Variants in PCDHA6 observed in about 807,000 individuals in gnomAD.
PCDHA6 encodes the protein protocadherin alpha-6.
Under a neutral mutation model 60.3 loss-of-function variants are expected in PCDHA6, and 55 were observed. The observed-to-expected ratio is 0.91, with a 90% CI of 0.73 to 1.14. The LOEUF (loss-of-function observed/expected upper bound fraction) is 1.14, where lower values mean the gene tolerates loss of function less well. Among genes scored for constraint, PCDHA6 ranks in the 50% most tolerant of loss-of-function variants. PCDHA6 has a pLI of 0.00. For missense variants in PCDHA6, 1,327 were observed against 1,256.5 expected, an observed-to-expected ratio of 1.06 and a Z score of -0.85; for synonymous variants, 652 against 557.9, an observed-to-expected ratio of 1.17 and a Z score of -2.38.
Position 140,880,816 on chromosome 5 carries a change from G to A in PCDHA6, c.2394+50331G>A, listed in dbSNP as rs3806840. On this transcript the variant is annotated intron_variant, in intron 1 of 3. Transcript: ENST00000529310. ...ATAAATAGGTGAATGACTCTAGAGTGTCTGGAAGGGCATATTTTAAATGGT... is the reference window on the plus strand; with the variant it reads ...ATAAATAGGTGAATGACTCTAGAGTATCTGGAAGGGCATATTTTAAATGGT... Among the ~76,000 whole-genome samples the A allele has an allele frequency of 9.8e-5, 15 of 152,318 alleles. No individual in the cohort carries two copies. In the East Asian group the frequency reaches 2.9e-3, roughly 29 times the overall value.
In PCDHA6 at chr5:140,835,601, A is replaced by T. The variant is rs2150239166; in HGVS notation, c.2394+5116A>T. Reference sequence around the variant, plus strand: ...TGTCCACCTTCAAGAATTACTATTCATTGGTGCTGGACAGCGCTCTGGACC... The same window carrying T: ...TGTCCACCTTCAAGAATTACTATTCTTTGGTGCTGGACAGCGCTCTGGACC... On this transcript the variant is annotated intron_variant, in intron 1 of 3. Coordinates refer to ENST00000529310, the MANE Select transcript of PCDHA6 (RefSeq NM_018909.4). 5 of 1,613,788 alleles carry T rather than the reference A, an allele frequency of 3.1e-6. No individual in the cohort carries two copies. The African/African-American group carries it at 5.3e-5, about 17-fold the overall frequency.
At chr5:140,897,560 T>C (rs1398247980) in intron 1 of PCDHA6, among the ~76,000 whole-genome samples, 1 of 152,200 alleles carries the variant, frequency 6.6e-6, no homozygotes, top group Non-Finnish European at 1.5e-5. Flanking sequence ...GGTGTATATG[T>C]GCCACATTTT....
rs2150184584 is a variant in PCDHA6, at chr5:140,830,292, C to T, written c.2201C>T (p.Ala734Val). The stretch of plus-strand genomic sequence containing the variant: ...CCACCCACCGAGGGCGCGTGCACGG[C>T]GGACAAGCCCACGCTGGTGTGCTCC... The part of the protein sequence containing the change: ...SAPPTEGACT[A>V]DKPTLVCSSA... Residue 734 changes from alanine (A) to valine (V), a missense_variant, in exon 1 of 4, where the codon GCG becomes GTG. Ala to Val is a moderately conservative substitution (Grantham distance 64). Transcript: ENST00000529310. 2 of 1,613,712 alleles carry T rather than the reference C, an allele frequency of 1.2e-6. No homozygotes were observed. The highest frequency in any genetic ancestry group is 1.7e-6 in the Non-Finnish European group (2 of 1,179,858).
intron 1 of PCDHA6, chr5:140,883,877 G>A: frequency 1.2e-6 from 2 of 1,613,254 alleles, no homozygotes; most frequent in Non-Finnish European, 1.7e-6. Flanking sequence ...CCAGGTGAGC[G>A]CGCGCGACTC....
intron 1 of PCDHA6, among the ~76,000 whole-genome samples, chr5:140,970,131 A>G (rs1554232260): frequency 6.6e-6 from 1 of 152,186 alleles, no homozygotes; most frequent in Non-Finnish European, 1.5e-5. Context: ...GAAGGAAGAG[A>G]AGGGAAAAAG....
intron 2 of PCDHA6, among the ~76,000 whole-genome samples, chr5:140,981,825 T>G (rs941645731): frequency 2.0e-5 from 3 of 152,184 alleles, no homozygotes; most frequent in African/African-American, 7.2e-5. Context: ...TCTGCTTGCC[T>G]CTAAAGGTCT....
rs538891766 is a variant in PCDHA6 at position 140,931,784 on chromosome 5, A to G, written c.2395-47165A>G. The stretch of plus-strand genomic sequence containing the variant: ...TTTACTTCTTCCTGTTCAATTACCT[A>G]TTGATCTGATCTTAATTCTTTAGAA... On this transcript the variant is annotated intron_variant, in intron 1 of 3. Transcript: ENST00000529310. Among the ~76,000 whole-genome samples, 13 of 152,080 alleles carry G rather than the reference A, an allele frequency of 8.5e-5. No homozygotes were observed. In the East Asian group the frequency reaches 1.9e-3, roughly 23 times the overall value.
At chr5:140,915,831 G>T (rs1326644343) in intron 1 of PCDHA6, among the ~76,000 whole-genome samples, 1 of 152,168 alleles carries the variant, frequency 6.6e-6, no homozygotes, top group Non-Finnish European at 1.5e-5. Flanking sequence ...AGGGCTCTAA[G>T]ATCAGCAGGG....
intron 1 of PCDHA6, chr5:140,867,929 GTTT>G (rs1459004552): frequency 6.6e-6 from 1 of 151,990 alleles, no homozygotes; most frequent in Non-Finnish European, 1.5e-5. Context: ...CACTTCCCTT[GTTT>G]TCCATGAACT....
At chr5:140,860,280 G>A (rs1339122152) in intron 1 of PCDHA6, 2 of 151,906 alleles carry the variant, frequency 1.3e-5, no homozygotes, top group Admixed American at 1.3e-4. Context: ...ACTTGGGAGG[G>A]TGAGGTGGGA....
chr5:140,920,927 A>G (rs1350465462), intron 1 of PCDHA6, among the ~76,000 whole-genome samples: 1 of 151,716 alleles, frequency 6.6e-6, no homozygotes, highest in East Asian at 1.9e-4. Context: ...AGAGTAGGTG[A>G]TCTAGCCCTT....
chr5:140,969,339 A>AGTG (rs782647003), intron 1 of PCDHA6: 3 of 1,613,948 alleles, frequency 1.9e-6, no homozygotes, highest in African/African-American at 2.7e-5. Flanking sequence ...GAGGTGAGAC[A>AGTG]GTGGTCAGGG....
chr5:140,900,912 A>AGAT (rs553485999), intron 1 of PCDHA6, among the ~76,000 whole-genome samples: 1 of 152,198 alleles, frequency 6.6e-6, no homozygotes, highest in Non-Finnish European at 1.5e-5. Context: ...AACTGTGGTA[A>AGAT]GATGATATCT....
intron 1 of PCDHA6, chr5:140,883,531 T>G: frequency 6.2e-7 from 1 of 1,614,210 alleles, no homozygotes; most frequent in Non-Finnish European, 8.5e-7. Flanking sequence ...TATCAGCCTA[T>G]GAACTGGTGG....
At chr5:140,875,779 A>G (rs1174243985) in intron 1 of PCDHA6, 1 of 1,614,194 alleles carries the variant, frequency 6.2e-7, no homozygotes, top group Non-Finnish European at 8.5e-7. Context: ...CGCGGAGTGC[A>G]GTATCCACCT....
chr5:140,857,855 A>T, intron 1 of PCDHA6: 1 of 1,597,468 alleles, frequency 6.3e-7, no homozygotes, highest in Non-Finnish European at 8.6e-7. Context: ...CTCTGGATAC[A>T]ACGCGTGGCT....
In PCDHA6 at chr5:140,871,676, A is replaced by G. The variant is rs141392186; in HGVS notation, c.2394+41191A>G. ...TACACATCTTCAGTCTTTTAATCAT[A>G]TGAATAATCTGGCTTCTTTAACCAA... On this transcript the variant is annotated intron_variant, in intron 1 of 3. Coordinates refer to ENST00000529310, the MANE Select transcript of PCDHA6 (RefSeq NM_018909.4). 511 of 1,133,248 alleles carry G rather than the reference A, an allele frequency of 4.5e-4. 2 individuals carry two copies. The African/African-American group carries it at 7.0e-3, about 16-fold the overall frequency. The allele number at this position is 1,133,248 out of a possible 1,614,324, so 70.2% of individuals were successfully genotyped here.
chr5:140,959,254 G>A (rs1318438220), intron 1 of PCDHA6, among the ~76,000 whole-genome samples: 3 of 152,054 alleles, frequency 2.0e-5, no homozygotes, highest in Non-Finnish European at 2.9e-5. Context: ...GTGCATGACT[G>A]TAGTCCCAGC....
chr5:140,994,258 G>A (rs2097608740), intron 3 of PCDHA6, among the ~76,000 whole-genome samples: 1 of 152,122 alleles, frequency 6.6e-6, no homozygotes, highest in Admixed American at 6.5e-5. Flanking sequence ...GGTAAATAAG[G>A]TAAGCTAGGC....
Sources: allele counts gnomAD v4.1 joint callset (sites outside exome capture counted in the v4.1 genomes callset), GRCh38; gene constraint gnomAD v4.1.1; transcripts MANE v1.5; gene names NCBI Gene and HGNC (gene_info 2026-07-23, HGNC 2026-07-21).